The following USP49 variants were observed in gnomAD, a reference collection of about 807,000 sequenced individuals.
USP49 encodes the protein ubiquitin carboxyl-terminal hydrolase 49.
In USP49, 24 loss-of-function variants were observed where a neutral mutation model predicts 58.6. That is an observed-to-expected ratio of 0.41 (90% CI 0.30 to 0.58). The LOEUF is 0.58. Among genes scored for constraint, USP49 ranks in the 20% least tolerant of loss-of-function variants. USP49 has a pLI of 0.30. For synonymous variants in USP49, 408 were observed against 365.1 expected, an observed-to-expected ratio of 1.12 and a Z score of -1.34; for missense variants, 703 against 866.1, an observed-to-expected ratio of 0.81 and a Z score of 2.36.
chr6:41,808,256 C>T (rs1217640716), intron 3 of USP49, among the ~76,000 whole-genome samples: 4 of 151,948 alleles, frequency 2.6e-5, no homozygotes, highest in Non-Finnish European at 4.4e-5. Flanking sequence ...AAAAAAGCAA[C>T]GAATCTTCCA....
intron 3 of USP49, among the ~76,000 whole-genome samples, chr6:41,844,833 G>A (rs1281815026): frequency 6.6e-6 from 1 of 152,140 alleles, no homozygotes; most frequent in Non-Finnish European, 1.5e-5. Context: ...GTTTATGCTT[G>A]CAAAAATATT....
intron 5 of USP49, 64 bp from the exon 6 acceptor site, chr6:41,800,002 C>T: frequency 7.1e-7 from 1 of 1,407,428 alleles, no homozygotes; most frequent in South Asian, 1.2e-5. Flanking sequence ...ATGGCAGAGA[C>T]AGTGACTTGC....
intron 3 of USP49, among the ~76,000 whole-genome samples, chr6:41,836,895 T>C (rs1470001994): frequency 1.3e-5 from 2 of 151,694 alleles, no homozygotes; most frequent in Non-Finnish European, 1.5e-5. Context: ...TACCTAGGAA[T>C]ACAGCTAATC....
At chr6:41,843,873 G>A (rs1231066019) in intron 3 of USP49, among the ~76,000 whole-genome samples, 1 of 152,046 alleles carries the variant, frequency 6.6e-6, no homozygotes, top group Non-Finnish European at 1.5e-5. Flanking sequence ...GTGAAACCCG[G>A]TCTCTACTAA....
Position 41,789,998 on chromosome 6 carries a change from C to G in USP49, c.*6535G>C, listed in dbSNP as rs1772766993. 2 of 149,618 alleles carry G rather than the reference C, an allele frequency of 1.3e-5. No homozygotes were observed. The highest frequency in any genetic ancestry group is 1.3e-4 in the Admixed American group (2 of 15,010). The allele number at this position is 149,618 out of a possible 1,614,324, so 9.3% of individuals were successfully genotyped here. A position where few individuals can be genotyped will look rare whatever the true frequency, so the allele number is the denominator to read the frequency against. Reference sequence around the variant, plus strand: ...TGATTTATATTTCACACTTGAGAGACAAAAACAAGCCCCAAAACATGGATT... The same window carrying G: ...TGATTTATATTTCACACTTGAGAGAGAAAAACAAGCCCCAAAACATGGATT... On this transcript the variant is annotated 3_prime_UTR_variant, in exon 8 of 8. Transcript: ENST00000682992.
chr6:41,828,876 T>C (rs1380440970), intron 3 of USP49, among the ~76,000 whole-genome samples: 2 of 152,186 alleles, frequency 1.3e-5, no homozygotes, highest in Admixed American at 1.3e-4. Flanking sequence ...AGCCTCACCC[T>C]TAATCATTTG....
intron 5 of USP49, among the ~76,000 whole-genome samples, chr6:41,802,448 A>ATTTTTTTTTTTT (rs1363216201): frequency 1.9e-5 from 1 of 53,334 alleles, no homozygotes; most frequent in Non-Finnish European, 3.6e-5. Flanking sequence ...TTATTTATTT[A>ATTTTTTTTTTTT]TTTATTTATT....
rs1283868996 is a variant in USP49 at position 41,790,510 on chromosome 6, C to G, written c.*6023G>C. On this transcript the variant is annotated 3_prime_UTR_variant, in exon 8 of 8. Transcript: ENST00000682992. ...GCAATATTTTTTTCTGGCCAGTTTACTAGGCATTAAAAAAAATACTGCTTT... is the reference window on the plus strand; with the variant it reads ...GCAATATTTTTTTCTGGCCAGTTTAGTAGGCATTAAAAAAAATACTGCTTT... The G allele has an allele frequency of 6.6e-6, 1 of 151,740 alleles. No homozygotes were observed. The highest frequency in any genetic ancestry group is 1.5e-5 in the Non-Finnish European group (1 of 67,984). The allele number at this position is 151,740 out of a possible 1,614,324, so 9.4% of individuals were successfully genotyped here.
chr6:41,820,503 C>T (rs2127334002), intron 3 of USP49, among the ~76,000 whole-genome samples: 1 of 151,422 alleles, frequency 6.6e-6, no homozygotes, highest in East Asian at 1.9e-4. Flanking sequence ...TGTAGAAATA[C>T]CTCTGATATA....
At chr6:41,861,708 CTTTT>C (rs749581690) in intron 3 of USP49, among the ~76,000 whole-genome samples, 2 of 145,302 alleles carry the variant, frequency 1.4e-5, no homozygotes, top group Non-Finnish European at 3.0e-5. Context: ...TTACGTCACT[CTTTT>C]TTTTTTTTTG....
rs528818274 is a variant in USP49, at chr6:41,815,345, T to C, written c.-28-8334A>G. Reference sequence around the variant, plus strand: ...CTGAGGCAGGAGAATGGCGTGAACCTGGGAGGCGGAGCTTCCAGTGAGCCA... The same window carrying C: ...CTGAGGCAGGAGAATGGCGTGAACCCGGGAGGCGGAGCTTCCAGTGAGCCA... On this transcript the variant is annotated intron_variant, in intron 3 of 7. Transcript: ENST00000682992. 1.7e-4 allele frequency among the ~76,000 whole-genome samples: 26 copies of C among 150,686 alleles called. 1 individual carries two copies. The East Asian group carries it at 5.1e-3, about 30-fold the overall frequency.
chr6:41,895,099 C>G (rs973670005), intron 1 of USP49, among the ~76,000 whole-genome samples: 4 of 146,722 alleles, frequency 2.7e-5, no homozygotes, highest in African/African-American at 9.9e-5. Flanking sequence ...CTCCCGCCCG[C>G]GAGGCGCGCG....
At chr6:41,847,463 T>G (rs1582018236) in intron 3 of USP49, among the ~76,000 whole-genome samples, 1 of 152,094 alleles carries the variant, frequency 6.6e-6, no homozygotes, top group Non-Finnish European at 1.5e-5. Flanking sequence ...ACACCTGTAA[T>G]CTAGCACTTT....
chr6:41,827,806 A>G (rs1773567637), intron 3 of USP49, among the ~76,000 whole-genome samples: 1 of 152,104 alleles, frequency 6.6e-6, no homozygotes. Context: ...CACTGTTCTG[A>G]AACTTAATAT....
chr6:41,821,729 G>A (rs898698199), intron 3 of USP49, among the ~76,000 whole-genome samples: 4 of 152,052 alleles, frequency 2.6e-5, no homozygotes, highest in Admixed American at 6.6e-5. Context: ...AGCCGAGATC[G>A]CACCACTGCA....
chr6:41,876,263 A>T (rs887557497), intron 2 of USP49, among the ~76,000 whole-genome samples: 1 of 152,344 alleles, frequency 6.6e-6, no homozygotes, highest in East Asian at 1.9e-4. Context: ...GAGTGGAAAC[A>T]TATCTTCATT....
intron 3 of USP49, among the ~76,000 whole-genome samples, chr6:41,823,258 G>A (rs2127335930): frequency 6.6e-6 from 1 of 152,112 alleles, no homozygotes; most frequent in South Asian, 2.1e-4. Flanking sequence ...TACCTTTTGG[G>A]GAAAAAAATC....
chr6:41,868,310 G>GTATT lies in USP49; in HGVS notation c.-29+3250_-29+3253dup, dbSNP rs548129847. On this transcript the variant is annotated intron_variant, in intron 3 of 7. Coordinates refer to ENST00000682992, the MANE Select transcript of USP49 (RefSeq NM_001286554.2). ...TACATACTAGTAAATGTTAACTTCT[G>GTATT]TATTTATTTATTTATTTATTTATTT... 6.7e-3 allele frequency among the ~76,000 whole-genome samples: 1,017 copies of GTATT among 152,154 alleles called. 7 individuals are homozygous for GTATT. Among genetic ancestry groups the GTATT allele is most frequent in the African/African-American group, 0.02 (835 of 41,534 alleles).
At chr6:41,836,456 T>C (rs1773728722) in intron 3 of USP49, among the ~76,000 whole-genome samples, 1 of 152,048 alleles carries the variant, frequency 6.6e-6, no homozygotes, top group African/African-American at 2.4e-5. Context: ...ACCTGAGAAC[T>C]GGAACAAGAT....
Sources: gnomAD v4.1 joint callset for allele counts (sites outside exome capture counted in the v4.1 genomes callset) on GRCh38, gnomAD v4.1.1 for gene constraint, MANE v1.5 for transcripts, NCBI Gene and HGNC (gene_info 2026-07-23, HGNC 2026-07-21) for gene names.